CDH8: variants seen among roughly 807,000 people sequenced by gnomAD.
CDH8 encodes cadherin 8, also known as cadherin-8.
A neutral mutation model predicts 68.1 loss-of-function variants in CDH8; 17 were observed. The observed-to-expected ratio is 0.25, with a 90% confidence interval of 0.17 to 0.37. The LOEUF is 0.37. Among genes scored for constraint, CDH8 ranks in the 10% least tolerant of loss-of-function variants. CDH8 has a pLI of 1.00. For synonymous variants in CDH8, 372 were observed against 365.1 expected (o/e 1.02, Z -0.21); for missense variants, 763 against 999.3 (o/e 0.76, Z 3.19).
intron 7 of CDH8, among the ~76,000 whole-genome samples, chr16:61,790,606 A>G (rs1961355288): frequency 6.6e-6 from 1 of 152,040 alleles, no homozygotes; most frequent in Non-Finnish European, 1.5e-5. Flanking sequence ...GGTCCATGCC[A>G]GTTAGTACTG....
intron 2 of CDH8, among the ~76,000 whole-genome samples, chr16:61,931,998 G>C (rs1034443866): frequency 1.3e-5 from 2 of 152,200 alleles, no homozygotes; most frequent in South Asian, 4.2e-4. Context: ...ACGAGGTCAG[G>C]AGATCGAGAC....
At chr16:61,658,122 G>C (rs1963486842) in intron 10 of CDH8, among the ~76,000 whole-genome samples, 1 of 151,766 alleles carries the variant, frequency 6.6e-6, no homozygotes. Flanking sequence ...ATTGGTAATT[G>C]TATTTGTTTT....
intron 4 of CDH8, among the ~76,000 whole-genome samples, chr16:61,832,499 A>G (rs1431869450): frequency 6.6e-6 from 1 of 151,806 alleles, no homozygotes; most frequent in African/African-American, 2.4e-5. Flanking sequence ...CTAAAAATAT[A>G]ACAACCCATT....
At chr16:61,963,078 G>A (rs898165605) in intron 2 of CDH8, among the ~76,000 whole-genome samples, 3 of 152,050 alleles carry the variant, frequency 2.0e-5, no homozygotes, top group Non-Finnish European at 4.4e-5. Flanking sequence ...CTCTGCCTAA[G>A]TTCATTCCAA....
At chr16:61,673,575 G>A (rs1963838380) in intron 10 of CDH8, among the ~76,000 whole-genome samples, 1 of 152,034 alleles carries the variant, frequency 6.6e-6, no homozygotes, top group African/African-American at 2.4e-5. Flanking sequence ...TATTCAATAT[G>A]TACAATAAGT....
chr16:61,979,819 C>T (rs1053032430), intron 2 of CDH8, among the ~76,000 whole-genome samples: 57 of 152,078 alleles, frequency 3.7e-4, no homozygotes, highest in African/African-American at 1.2e-3. Context: ...CCAGATACTG[C>T]GATACTTATT....
intron 1 of CDH8, among the ~76,000 whole-genome samples, chr16:62,033,798 T>C (rs555099909): frequency 2.0e-5 from 3 of 151,730 alleles, no homozygotes; most frequent in African/African-American, 7.3e-5. Flanking sequence ...GTCCCCGGAG[T>C]TGCTGGAAAG....
At chr16:61,733,530 T>C (rs1020168631) in intron 8 of CDH8, among the ~76,000 whole-genome samples, 1 of 152,002 alleles carries the variant, frequency 6.6e-6, no homozygotes, top group African/African-American at 2.4e-5. Context: ...TAAAGGAAAC[T>C]ATCAAATAAA....
At chr16:61,957,200 TAC>T (rs903707285) in intron 2 of CDH8, among the ~76,000 whole-genome samples, 8 of 152,142 alleles carry the variant, frequency 5.3e-5, no homozygotes, top group African/African-American at 1.7e-4. Context: ...TACACACACA[TAC>T]ACACACATAT....
At chr16:62,020,056 T>C (rs771330066) in intron 2 of CDH8, among the ~76,000 whole-genome samples, 2 of 152,154 alleles carry the variant, frequency 1.3e-5, no homozygotes, top group Admixed American at 6.5e-5. Context: ...AGTAGAACCA[T>C]ATGAAATGAG....
At chr16:61,837,433 A>C (rs1962591339) in intron 4 of CDH8, among the ~76,000 whole-genome samples, 1 of 152,094 alleles carries the variant, frequency 6.6e-6, no homozygotes, top group African/African-American at 2.4e-5. Flanking sequence ...GATTAAGGAA[A>C]AGAAGCGGGA....
chr16:61,668,175 GCATA>G (rs1963717688), intron 10 of CDH8, among the ~76,000 whole-genome samples: 1 of 151,908 alleles, frequency 6.6e-6, no homozygotes, highest in Non-Finnish European at 1.5e-5. Flanking sequence ...ACGTAACGGA[GCATA>G]GCATACCATA....
intron 4 of CDH8, among the ~76,000 whole-genome samples, chr16:61,826,201 A>G (rs1468066700): frequency 6.6e-6 from 1 of 151,838 alleles, no homozygotes; most frequent in African/African-American, 2.4e-5. Context: ...ATGTTTTTGA[A>G]AAACTTCCTT....
rs190553675 is a variant in CDH8 at position 61,939,739 on chromosome 16, C to T, written c.253-38266G>A. Among the ~76,000 whole-genome samples the T allele has an allele frequency of 4.9e-4, 74 of 152,216 alleles. 1 individual carries two copies. The highest frequency in any genetic ancestry group is 1.7e-3 in the African/African-American group (69 of 41,548). On this transcript the variant is annotated intron_variant, in intron 2 of 11. Transcript: ENST00000577390. The stretch of plus-strand genomic sequence containing the variant: ...AAATAGATCTGCCTCTCCTGCTACA[C>T]ATAAAGTTAGAGAAAAGGGTAAAGG...
chr16:62,013,201 G>A (rs1271270804), intron 2 of CDH8, among the ~76,000 whole-genome samples: 1 of 27,860 alleles, frequency 3.6e-5, no homozygotes, highest in Non-Finnish European at 8.0e-5. Context: ...CTTGCAGTGA[G>A]CCGAGATTGT....
At chr16:61,714,368 C>T (rs1964683382) in intron 9 of CDH8, 1 of 189,752 alleles carries the variant, frequency 5.3e-6, no homozygotes, top group Admixed American at 6.3e-5. Flanking sequence ...AATCTTGAAT[C>T]CTCACAACTC....
intron 8 of CDH8, among the ~76,000 whole-genome samples, chr16:61,782,876 G>A (rs1167767665): frequency 6.6e-6 from 1 of 152,158 alleles, no homozygotes; most frequent in Non-Finnish European, 1.5e-5. Context: ...GCAGCTGAGG[G>A]TCCTGTGTTA....
rs529149716 is a variant in CDH8 at position 61,775,296 on chromosome 16, G to C, written c.1414+14050C>G. Among the ~76,000 whole-genome samples, 33 of 152,196 alleles carry C rather than the reference G, an allele frequency of 2.2e-4. No individual in the cohort carries two copies. The East Asian group carries it at 5.8e-3, about 27-fold the overall frequency. On this transcript the variant is annotated intron_variant, in intron 8 of 11. Coordinates refer to ENST00000577390, the MANE Select transcript of CDH8 (RefSeq NM_001796.5). Reference sequence around the variant, plus strand: ...TCCAATCCTTTCGCCAGATAAATAAGGGATTGGAGCAAAGGATTTTGAATA... The same window carrying C: ...TCCAATCCTTTCGCCAGATAAATAACGGATTGGAGCAAAGGATTTTGAATA...
At chr16:61,917,088 TGTGTG>T (rs1222621891) in intron 2 of CDH8, among the ~76,000 whole-genome samples, 2 of 151,326 alleles carry the variant, frequency 1.3e-5, no homozygotes, top group African/African-American at 4.9e-5. Flanking sequence ...TGTGTGTGTG[TGTGTG>T]TGTGTGTGTG....
Sources: allele counts gnomAD v4.1 joint callset (sites outside exome capture counted in the v4.1 genomes callset), GRCh38; gene constraint gnomAD v4.1.1; transcripts MANE v1.5; gene names NCBI Gene and HGNC (gene_info 2026-07-23, HGNC 2026-07-21).